Variants in SMYD3 observed in about 807,000 individuals in gnomAD.
The protein encoded by SMYD3 is SET and MYND domain containing 3.
SMYD3 carries 36 observed loss-of-function variants against 57.7 expected under a neutral mutation model. The observed-to-expected ratio is 0.62, with a 90% CI of 0.48 to 0.82. SMYD3 has a LOEUF of 0.82. Among genes scored for constraint, SMYD3 ranks in the 40% least tolerant of loss-of-function variants. The pLI, the probability that SMYD3 is intolerant of heterozygous loss-of-function variation, is 0.00. For synonymous variants in SMYD3, 211 were observed against 195.0 expected (o/e 1.08, Z -0.68); for missense variants, 515 against 538.8 (o/e 0.96, Z 0.44).
chr1:246,498,927 T>A (rs1300487703), intron 1 of SMYD3, among the ~76,000 whole-genome samples: 1 of 151,510 alleles, frequency 6.6e-6, no homozygotes, highest in Non-Finnish European at 1.5e-5. Context: ...TAACTGTGAT[T>A]ACAAGGGTGC....
chr1:246,090,117 T>C (rs1464662991), intron 5 of SMYD3, among the ~76,000 whole-genome samples: 2 of 152,106 alleles, frequency 1.3e-5, no homozygotes, highest in Non-Finnish European at 2.9e-5. Context: ...AAGAATAAGG[T>C]GAAACTGTCT....
chr1:246,483,172 G>C lies in SMYD3; in HGVS notation c.164+23882C>G, dbSNP rs139332724. 3.5e-4 allele frequency among the ~76,000 whole-genome samples: 53 copies of C among 152,250 alleles called. 1 individual carries two copies. The East Asian group carries it at 9.6e-3, about 28-fold the overall frequency. On this transcript the variant is annotated intron_variant, in intron 1 of 11. Coordinates refer to ENST00000490107, the MANE Select transcript of SMYD3 (RefSeq NM_001167740.2). ...TTAAGTGACCAAGTTAAAGGTAAAG[G>C]ATGACTTCCCCCTCGATGATATGTA...
chr1:245,778,576 G>C (rs1424362289), intron 10 of SMYD3, among the ~76,000 whole-genome samples: 1 of 152,152 alleles, frequency 6.6e-6, no homozygotes, highest in African/African-American at 2.4e-5. Context: ...GTGTTTATCA[G>C]CCATTTGTAT....
In SMYD3 at chr1:246,355,935, G is replaced by T. The variant is rs920302477; in HGVS notation, c.165-841C>A. 6.6e-6 allele frequency among the ~76,000 whole-genome samples: 1 copy of T among 152,140 alleles called. No homozygotes were observed. Among genetic ancestry groups the T allele is most frequent in the Non-Finnish European group, 1.5e-5 (1 of 68,028 alleles). On this transcript the variant is annotated intron_variant, in intron 1 of 11. Coordinates refer to ENST00000490107, the MANE Select transcript of SMYD3 (RefSeq NM_001167740.2). This position sits in a 1 kb window ranked among gnomAD's most constrained non-coding sequence, Gnocchi z 5.0. ...GCCTACCACCTAAGAAACCTGAATA[G>T]GTAACCAGGCGACCTTAGGGCAAGT...
chr1:246,306,240 G>A (rs2064976260), intron 5 of SMYD3, among the ~76,000 whole-genome samples: 1 of 152,150 alleles, frequency 6.6e-6, no homozygotes. Context: ...CCAGCTACTT[G>A]GGAGGCTGAG....
At chr1:245,837,437 AG>A (rs147868769) in intron 10 of SMYD3, among the ~76,000 whole-genome samples, 3,127 of 152,142 alleles carry the variant, frequency 0.021, 107 homozygotes, top group African/African-American at 0.071. Context: ...ATTGACCTCC[AG>A]GGAAGAGGCA....
intron 10 of SMYD3, among the ~76,000 whole-genome samples, chr1:245,774,686 G>A (rs2046476565): frequency 1.5e-5 from 2 of 130,396 alleles, no homozygotes; most frequent in Admixed American, 8.3e-5. Context: ...CCTTTCCCAC[G>A]GTCTCCCTCT....
chr1:246,447,010 C>A (rs932478070), intron 1 of SMYD3, among the ~76,000 whole-genome samples: 1 of 139,376 alleles, frequency 7.2e-6, no homozygotes, highest in Non-Finnish European at 1.5e-5. Flanking sequence ...GCCTCGGTGA[C>A]AGAGCCAGAC....
At chr1:245,947,750 A>G (rs1430345739) in intron 5 of SMYD3, among the ~76,000 whole-genome samples, 1 of 152,200 alleles carries the variant, frequency 6.6e-6, no homozygotes, top group African/African-American at 2.4e-5. Context: ...CCCACTCAAT[A>G]AACAGTCCAC....
intron 5 of SMYD3, among the ~76,000 whole-genome samples, chr1:246,298,579 G>A (rs2064837366): frequency 6.6e-6 from 1 of 151,998 alleles, no homozygotes; most frequent in African/African-American, 2.4e-5. Flanking sequence ...TAAAGTAAAA[G>A]GTATACTTCC....
At chr1:246,096,669 A>C (rs2060920671) in intron 5 of SMYD3, among the ~76,000 whole-genome samples, 2 of 152,242 alleles carry the variant, frequency 1.3e-5, no homozygotes, top group African/African-American at 4.8e-5. Context: ...TGCAATTCTG[A>C]GCCTCAGGCA....
At chr1:246,380,236 GT>G (rs2066365309) in intron 1 of SMYD3, among the ~76,000 whole-genome samples, 1 of 152,040 alleles carries the variant, frequency 6.6e-6, no homozygotes, top group Admixed American at 6.6e-5. Context: ...AATACGAATA[GT>G]TTTCAATACA....
intron 5 of SMYD3, among the ~76,000 whole-genome samples, chr1:246,222,303 T>A (rs1326706693): frequency 6.6e-6 from 1 of 152,122 alleles, no homozygotes; most frequent in African/African-American, 2.4e-5. Flanking sequence ...CTCTAAGAAA[T>A]AGATATTACA....
chr1:245,963,417 G>A (rs1478991629), intron 5 of SMYD3, among the ~76,000 whole-genome samples: 4 of 152,098 alleles, frequency 2.6e-5, no homozygotes, highest in Non-Finnish European at 2.9e-5. Flanking sequence ...ATCAGTACCC[G>A]GTAGAAACCT....
chr1:245,868,759 C>A (rs1338498238), intron 8 of SMYD3, among the ~76,000 whole-genome samples: 1 of 152,150 alleles, frequency 6.6e-6, no homozygotes, highest in African/African-American at 2.4e-5. Context: ...ACGGTAACTG[C>A]CTCTCAGGTT....
In SMYD3 at chr1:246,203,587, C is replaced by T. The variant is rs116609153; in HGVS notation, c.531+123614G>A. Reference sequence around the variant, plus strand: ...CTCTGCGCACATGTGCTGTTGGTGTCTCTTCCTCTTCCTACAAGGACACCA... The same window carrying T: ...CTCTGCGCACATGTGCTGTTGGTGTTTCTTCCTCTTCCTACAAGGACACCA... On this transcript the variant is annotated intron_variant, in intron 5 of 11. Coordinates refer to ENST00000490107, the MANE Select transcript of SMYD3 (RefSeq NM_001167740.2). The surrounding 1 kb of genome is among the most constrained non-coding windows in gnomAD (Gnocchi z 4.6). Among the ~76,000 whole-genome samples the T allele has an allele frequency of 5.3e-3, 800 of 152,332 alleles. 6 individuals carry two copies. The highest frequency in any genetic ancestry group is 0.01 in the Middle Eastern group (3 of 294).
chr1:246,007,652 T>C (rs1216393029), intron 5 of SMYD3, among the ~76,000 whole-genome samples: 1 of 105,374 alleles, frequency 9.5e-6, no homozygotes, highest in African/African-American at 2.8e-5. Flanking sequence ...CTACCAAAAA[T>C]AGAAAAAAAA....
chr1:246,057,136 C>T (rs2060165730), intron 5 of SMYD3, among the ~76,000 whole-genome samples: 1 of 152,128 alleles, frequency 6.6e-6, no homozygotes, highest in Non-Finnish European at 1.5e-5. Flanking sequence ...ATAAAAATAA[C>T]AATAATAATA....
At chr1:246,056,672 A>G (rs1284670299) in intron 5 of SMYD3, among the ~76,000 whole-genome samples, 2 of 139,280 alleles carry the variant, frequency 1.4e-5, no homozygotes, top group African/African-American at 2.8e-5. Context: ...ATAAATGTTC[A>G]AGCTGATGGA....
Sources: gnomAD v4.1 joint callset for allele counts (sites outside exome capture counted in the v4.1 genomes callset) on GRCh38, gnomAD v4.1.1 for gene constraint, Gnocchi (gnomAD v3.1) non-coding constraint, MANE v1.5 for transcripts, NCBI Gene and HGNC (gene_info 2026-07-23, HGNC 2026-07-21) for gene names.